CHST11: variants seen among roughly 807,000 people sequenced by gnomAD.
CHST11 encodes carbohydrate sulfotransferase 11.
CHST11 carries 9 observed loss-of-function variants against 30.4 expected under a neutral mutation model. That is an observed-to-expected ratio of 0.30 (90% confidence interval 0.18 to 0.52). CHST11 has a LOEUF of 0.52. CHST11 is among the 20% of genes least tolerant of loss of function. The pLI is 0.97. For missense variants in CHST11, 348 were observed against 460.6 expected (o/e 0.76, Z 2.24); for synonymous variants, 152 against 187.8 (o/e 0.81, Z 1.56).
At chr12:104,718,241 G>C (rs2040146875) in intron 2 of CHST11, among the ~76,000 whole-genome samples, 1 of 152,242 alleles carries the variant, frequency 6.6e-6, no homozygotes, top group Admixed American at 6.5e-5. Flanking sequence ...GAGGGGTTTT[G>C]TGACTTGCCT....
At chr12:104,583,591 C>G (rs1031892893) in intron 1 of CHST11, among the ~76,000 whole-genome samples, 1 of 152,224 alleles carries the variant, frequency 6.6e-6, no homozygotes. Flanking sequence ...CTGACACCTG[C>G]TTTTATCTCC....
intron 1 of CHST11, among the ~76,000 whole-genome samples, chr12:104,475,661 TATATATA>T (rs1565954794): frequency 2.8e-4 from 27 of 96,066 alleles, no homozygotes; most frequent in African/African-American, 8.6e-4. Flanking sequence ...AGCAGCATTA[TATATATA>T]TATATATATA....
At chr12:104,623,736 A>T (rs377154232) in intron 2 of CHST11, among the ~76,000 whole-genome samples, 32 of 152,016 alleles carry the variant, frequency 2.1e-4, no homozygotes, top group Middle Eastern at 6.8e-3. Flanking sequence ...AAAAAAGTTC[A>T]TGTGCCCTTG....
At chr12:104,561,009 CT>C (rs1352694089) in intron 1 of CHST11, among the ~76,000 whole-genome samples, 2 of 152,182 alleles carry the variant, frequency 1.3e-5, no homozygotes, top group Non-Finnish European at 2.9e-5. Context: ...AGCTCAGTGA[CT>C]TAGAGGGGCT....
chr12:104,728,396 T>C (rs1403111119), intron 2 of CHST11, among the ~76,000 whole-genome samples: 2 of 152,018 alleles, frequency 1.3e-5, no homozygotes, highest in Non-Finnish European at 2.9e-5. Context: ...TTTTGTGTTC[T>C]ATGGAGAAAC....
chr12:104,599,001 A>G (rs971124786), intron 1 of CHST11, among the ~76,000 whole-genome samples: 4 of 152,180 alleles, frequency 2.6e-5, no homozygotes, highest in Non-Finnish European at 5.9e-5. Flanking sequence ...GCCTGCAGCT[A>G]AGGGAGGCGC....
intron 2 of CHST11, among the ~76,000 whole-genome samples, chr12:104,745,174 C>T (rs1366559831): frequency 6.6e-6 from 1 of 152,106 alleles, no homozygotes. Context: ...ACGCCCGGCC[C>T]CTAGCACCAT....
At chr12:104,522,725 T>A (rs1330623912) in intron 1 of CHST11, among the ~76,000 whole-genome samples, 1 of 152,168 alleles carries the variant, frequency 6.6e-6, no homozygotes, top group Non-Finnish European at 1.5e-5. Flanking sequence ...CAGGCAATCC[T>A]CCTGCCTCAG....
chr12:104,500,512 C>T (rs566620795), intron 1 of CHST11, among the ~76,000 whole-genome samples: 5 of 151,728 alleles, frequency 3.3e-5, no homozygotes, highest in Admixed American at 1.3e-4. Context: ...TTTACCAACA[C>T]GAGACTTATT....
intron 1 of CHST11, among the ~76,000 whole-genome samples, chr12:104,540,926 T>C (rs1357026892): frequency 6.6e-6 from 1 of 152,092 alleles, no homozygotes; most frequent in East Asian, 1.9e-4. Context: ...TGAGTTAAGG[T>C]TGGGGTCAGG....
chr12:104,469,138 T>C (rs1220422045), intron 1 of CHST11, among the ~76,000 whole-genome samples: 1 of 152,228 alleles, frequency 6.6e-6, no homozygotes. Context: ...CCTTTTAACA[T>C]GTGCGTCCTA....
intron 2 of CHST11, among the ~76,000 whole-genome samples, chr12:104,673,716 T>G (rs541795945): frequency 6.6e-6 from 1 of 152,182 alleles, no homozygotes; most frequent in African/African-American, 2.4e-5. Flanking sequence ...TCACAAACCG[T>G]TTGTTTCGAC....
At chr12:104,499,334 G>T (rs1455053458) in intron 1 of CHST11, among the ~76,000 whole-genome samples, 1 of 152,280 alleles carries the variant, frequency 6.6e-6, no homozygotes, top group Admixed American at 6.5e-5. Context: ...GGCCCCAGAA[G>T]CTCAGTTAGA....
chr12:104,543,899 C>T (rs1046462052), intron 1 of CHST11, among the ~76,000 whole-genome samples: 19 of 151,980 alleles, frequency 1.3e-4, no homozygotes, highest in African/African-American at 2.7e-4. Flanking sequence ...GAGGCCAAGG[C>T]GGGAGGATCC....
intron 2 of CHST11, among the ~76,000 whole-genome samples, chr12:104,731,907 G>A (rs929085079): frequency 9.9e-5 from 15 of 152,254 alleles, no homozygotes; most frequent in African/African-American, 3.6e-4. Flanking sequence ...GAATAGAGCT[G>A]TGAATGAGAC....
chr12:104,627,094 A>G (rs975152300), intron 2 of CHST11, among the ~76,000 whole-genome samples: 6 of 152,258 alleles, frequency 3.9e-5, no homozygotes, highest in Middle Eastern at 3.4e-3. Context: ...GGAATACAAT[A>G]TGTAGCCTTT....
chr12:104,713,430 T>C (rs1326147279), intron 2 of CHST11, among the ~76,000 whole-genome samples: 1 of 152,130 alleles, frequency 6.6e-6, no homozygotes. Context: ...CCTTGCCTAC[T>C]CTGAGCACCA....
intron 1 of CHST11, among the ~76,000 whole-genome samples, chr12:104,521,687 C>T (rs1357654652): frequency 6.6e-6 from 1 of 152,164 alleles, no homozygotes; most frequent in Non-Finnish European, 1.5e-5. Flanking sequence ...TCCTGCGTAA[C>T]GGTGTCAAAG....
At chr12:104,724,640 C>A (rs555881285) in intron 2 of CHST11, among the ~76,000 whole-genome samples, 51 of 152,214 alleles carry the variant, frequency 3.4e-4, no homozygotes, top group Non-Finnish European at 6.3e-4. Flanking sequence ...CTCTGAGGCT[C>A]ACCGTGGGCT....
Sources: gnomAD v4.1 joint callset for allele counts (sites outside exome capture counted in the v4.1 genomes callset) on GRCh38, gnomAD v4.1.1 for gene constraint, MANE v1.5 for transcripts, NCBI Gene and HGNC (gene_info 2026-07-23, HGNC 2026-07-21) for gene names.